ADGRB3: variants seen among roughly 807,000 people sequenced by gnomAD.
The protein encoded by ADGRB3 is adhesion G protein-coupled receptor B3.
In ADGRB3, 37 loss-of-function variants were observed where a neutral mutation model predicts 193.4. The observed-to-expected ratio is 0.19, with a 90% CI of 0.15 to 0.25. The LOEUF (loss-of-function observed/expected upper bound fraction) is 0.25. Ranked by LOEUF, ADGRB3 falls within the 10% of genes least tolerant of loss-of-function variation. ADGRB3 has a pLI of 1.00. For missense variants in ADGRB3, 1,637 were observed against 1,852.9 expected (o/e 0.88, Z 2.14); for synonymous variants, 690 against 644.2 (o/e 1.07, Z -1.08).
intron 3 of ADGRB3, among the ~76,000 whole-genome samples, chr6:68,832,388 A>G (rs1439537686): frequency 1.3e-5 from 2 of 152,012 alleles, no homozygotes; most frequent in African/African-American, 4.8e-5. Flanking sequence ...TTATTTGACT[A>G]CTCATTTCAC....
intron 3 of ADGRB3, among the ~76,000 whole-genome samples, chr6:68,727,002 T>C (rs888838136): frequency 6.6e-6 from 1 of 151,546 alleles, no homozygotes. Flanking sequence ...ACATGGCTTT[T>C]TGAAATTTAA....
At chr6:69,292,117 ATTTC>A (rs1187096352) in intron 20 of ADGRB3, among the ~76,000 whole-genome samples, 2 of 152,172 alleles carry the variant, frequency 1.3e-5, no homozygotes, top group Non-Finnish European at 2.9e-5. Flanking sequence ...AGGTTTAACT[ATTTC>A]TTTACATCTT....
intron 3 of ADGRB3, among the ~76,000 whole-genome samples, chr6:68,659,058 A>G (rs1178498123): frequency 6.6e-6 from 1 of 151,120 alleles, no homozygotes; most frequent in African/African-American, 2.4e-5. Flanking sequence ...TAATTTTCAT[A>G]AGTTCTTTTG....
At chr6:69,226,306 GAATA>G (rs1766013727) in intron 17 of ADGRB3, among the ~76,000 whole-genome samples, 1 of 152,064 alleles carries the variant, frequency 6.6e-6, no homozygotes, top group African/African-American at 2.4e-5. Flanking sequence ...AATATTTGTT[GAATA>G]AATGAATGAA....
At chr6:69,353,523 A>AT (rs1769271042) in intron 26 of ADGRB3, among the ~76,000 whole-genome samples, 1 of 151,950 alleles carries the variant, frequency 6.6e-6, no homozygotes, top group Admixed American at 6.6e-5. Flanking sequence ...GAATAATCTC[A>AT]TTTTTCGTAA....
rs1311322621 is a variant in ADGRB3, at chr6:68,661,371, ATGTGTATACATATATATATG to A, written c.757+21957_757+21976del. ...TGTGTGTGTGTGTGTGTGTATATAT[ATGTGTATACATATATATATG>A]TGTGTATACATATATATGTGTGTGT... On this transcript the variant is annotated intron_variant, in intron 3 of 31. Coordinates refer to ENST00000370598, the MANE Select transcript of ADGRB3 (RefSeq NM_001704.3). Among the ~76,000 whole-genome samples the A allele has an allele frequency of 5.4e-3, 544 of 100,248 alleles. 35 individuals carry two copies. Among genetic ancestry groups the A allele is most frequent in the African/African-American group, 0.026 (489 of 18,638 alleles). The allele number at this position is 100,248 out of a possible 152,430, so 65.8% of individuals were successfully genotyped here. A position where few individuals can be genotyped will look rare whatever the true frequency, so the allele number is the denominator to read the frequency against.
At chr6:68,792,719 T>C (rs1403927) in intron 3 of ADGRB3, among the ~76,000 whole-genome samples, 84,559 of 151,972 alleles carry the variant, frequency 0.56, 24,346 homozygotes, top group East Asian at 0.86. Flanking sequence ...GGAGTCTAAA[T>C]TGTAATTTTG....
At chr6:69,088,047 T>C (rs559409075) in intron 17 of ADGRB3, among the ~76,000 whole-genome samples, 8 of 152,262 alleles carry the variant, frequency 5.3e-5, no homozygotes, top group Admixed American at 2.0e-4. Context: ...TTAAATGGAA[T>C]TGGTTTTCTC....
At chr6:68,749,458 C>G (rs1766153713) in intron 3 of ADGRB3, among the ~76,000 whole-genome samples, 1 of 140,778 alleles carries the variant, frequency 7.1e-6, no homozygotes, top group African/African-American at 2.7e-5. Flanking sequence ...ATAATTAATT[C>G]TGTCCCTCTA....
chr6:69,031,112 TTCTC>T (rs1360133836), intron 13 of ADGRB3, among the ~76,000 whole-genome samples: 3,223 of 61,540 alleles, frequency 0.052, 568 homozygotes, highest in African/African-American at 0.066. Context: ...TTCTCTTCTC[TTCTC>T]TCTCTTCTCT....
At chr6:68,747,774 C>A (rs1766112475) in intron 3 of ADGRB3, among the ~76,000 whole-genome samples, 1 of 152,100 alleles carries the variant, frequency 6.6e-6, no homozygotes, top group African/African-American at 2.4e-5. Context: ...ATGCCCACAG[C>A]CCTTAAGTTA....
intron 15 of ADGRB3, among the ~76,000 whole-genome samples, chr6:69,060,236 C>CTCTCTCTT (rs1771703185): frequency 6.6e-6 from 1 of 151,246 alleles, no homozygotes. Flanking sequence ...CTCTCTCTCT[C>CTCTCTCTT]TCTCTCTCTC....
At chr6:69,210,170 AAAGGGGAG>A (rs1765632580) in intron 17 of ADGRB3, among the ~76,000 whole-genome samples, 8 of 131,696 alleles carry the variant, frequency 6.1e-5, no homozygotes, top group African/African-American at 1.2e-4. Flanking sequence ...ATATATATAT[AAAGGGGAG>A]TTTATTAAAT....
intron 17 of ADGRB3, among the ~76,000 whole-genome samples, chr6:69,188,054 C>A (rs1765105369): frequency 1.3e-5 from 2 of 152,134 alleles, no homozygotes; most frequent in African/African-American, 4.8e-5. Context: ...TTGTAAAAGA[C>A]ATCTTAAACT....
At chr6:68,997,366 G>T (rs1769414275) in intron 11 of ADGRB3, among the ~76,000 whole-genome samples, 1 of 151,822 alleles carries the variant, frequency 6.6e-6, no homozygotes, top group South Asian at 2.1e-4. Context: ...AATTAAACCA[G>T]GCGCAGTGGC....
chr6:69,126,848 G>A (rs994750527), intron 17 of ADGRB3, among the ~76,000 whole-genome samples: 5 of 152,164 alleles, frequency 3.3e-5, no homozygotes, highest in Admixed American at 3.3e-4. Context: ...GCTCTAGAGG[G>A]AACTCTATGA....
At chr6:68,965,100 A>G (rs946197583) in intron 8 of ADGRB3, among the ~76,000 whole-genome samples, 9 of 152,218 alleles carry the variant, frequency 5.9e-5, no homozygotes, top group Non-Finnish European at 1.0e-4. Context: ...GAATTAAAAT[A>G]TATAACACAG....
chr6:69,082,142 G>A (rs959020019), intron 17 of ADGRB3, among the ~76,000 whole-genome samples: 3 of 151,948 alleles, frequency 2.0e-5, no homozygotes, highest in African/African-American at 7.2e-5. Context: ...AAATCATAAT[G>A]TCTGCAACTC....
intron 10 of ADGRB3, 59 bp downstream of exon 10, chr6:68,975,399 G>C: frequency 7.5e-7 from 1 of 1,328,526 alleles, no homozygotes; most frequent in Non-Finnish European, 1.1e-6. Flanking sequence ...TGATCACTGT[G>C]TGAGAATTTA....
Sources: gnomAD v4.1 joint callset for allele counts (sites outside exome capture counted in the v4.1 genomes callset) on GRCh38, gnomAD v4.1.1 for gene constraint, MANE v1.5 for transcripts, NCBI Gene and HGNC (gene_info 2026-07-23, HGNC 2026-07-21) for gene names.